MAST4: variants seen among roughly 807,000 people sequenced by gnomAD.
The protein encoded by MAST4 is microtubule-associated serine/threonine-protein kinase 4.
MAST4 carries 89 observed loss-of-function variants against 162.7 expected under a neutral mutation model. That is an observed-to-expected ratio of 0.55 (90% CI 0.46 to 0.65). The LOEUF (loss-of-function observed/expected upper bound fraction) is 0.65, where lower values mean the gene tolerates loss of function less well. MAST4 is among the 30% of genes least tolerant of loss of function. The pLI is 0.00. For missense variants in MAST4, 3,153 were observed against 3,374.0 expected (o/e 0.93, Z 1.62); for synonymous variants, 1,479 against 1,361.1 (o/e 1.09, Z -1.91).
At position 67,165,700 on chromosome 5, in the gene MAST4, C is replaced by T. The variant is rs748572007; in HGVS notation, c.6521C>T (p.Ser2174Leu). The change falls in exon 29 of 29, where the codon TCG becomes TTG. Residue 2174 changes from serine (S) to leucine (L), a missense_variant. Around this residue, in one of 7 missense-constraint regions of MAST4, gnomAD observed 1,644 missense variants for 1,495.0 expected, o/e 1.10. Transcript: ENST00000403625. ...AAGCCCAGCACTGCAGAGCCCAGCT[C>T]GAGCCCCCAGGACCCTCCCAAGCCT... ...GAKPSTAEPS[S>L]SPQDPPKPVA... 6 of 1,579,018 alleles carry T rather than the reference C, an allele frequency of 3.8e-6. No homozygotes were observed. In the South Asian group the frequency reaches 4.6e-5, roughly 12 times the overall value.
At chr5:67,153,386 T>TAATTAA in intron 25 of MAST4, 72 bp from the exon 26 acceptor site, 1 of 1,469,346 alleles carries the variant, frequency 6.8e-7, no homozygotes, top group Non-Finnish European at 9.1e-7. Flanking sequence ...CTCATTATTC[T>TAATTAA]CCCAGAAGAC....
chr5:66,910,741 C>CTTTTTTTTTTTTT lies in MAST4; in HGVS notation c.674+10760_674+10772dup, dbSNP rs1176127841. 3.2e-3 allele frequency among the ~76,000 whole-genome samples: 64 copies of CTTTTTTTTTTTTT among 20,096 alleles called. 3 individuals are homozygous for CTTTTTTTTTTTTT. Among genetic ancestry groups the CTTTTTTTTTTTTT allele is most frequent in the African/African-American group, 5.1e-3 (44 of 8,700 alleles). 13.2% of individuals were successfully genotyped at this position (20,096 alleles called of 152,430 possible). A position where few individuals can be genotyped will look rare whatever the true frequency, so the allele number is the denominator to read the frequency against. On this transcript the variant is annotated intron_variant, in intron 4 of 28. Coordinates refer to ENST00000403625, the MANE Select transcript of MAST4 (RefSeq NM_001164664.2). ...GAATACACATGTGGTTTTTTTTTTT[C>CTTTTTTTTTTTTT]TTTTTTTTTTTTTCTTTTTTTTTTT...
intron 4 of MAST4, among the ~76,000 whole-genome samples, chr5:67,017,924 T>C (rs974671455): frequency 2.6e-5 from 4 of 152,218 alleles, no homozygotes; most frequent in Non-Finnish European, 5.9e-5. Flanking sequence ...CAAAAAATTT[T>C]ACATAGATTG....
At chr5:66,652,360 G>A (rs1244477919) in intron 1 of MAST4, among the ~76,000 whole-genome samples, 1 of 152,098 alleles carries the variant, frequency 6.6e-6, no homozygotes, top group Non-Finnish European at 1.5e-5. Flanking sequence ...AATGTAATAA[G>A]TATTTCATAA....
At chr5:66,762,488 A>G (rs779154134) in intron 2 of MAST4, among the ~76,000 whole-genome samples, 2 of 152,146 alleles carry the variant, frequency 1.3e-5, no homozygotes, top group African/African-American at 2.4e-5. Flanking sequence ...CATGGAAATG[A>G]GTTTGGTACC....
chr5:67,145,294 G>T lies in MAST4; in HGVS notation c.3009G>T (p.Lys1003Asn), dbSNP rs934000304. 8 of 1,613,790 alleles carry T rather than the reference G, an allele frequency of 5.0e-6. No homozygotes were observed. The highest frequency in any genetic ancestry group is 1.7e-4 in the Middle Eastern group (1 of 6,048). The change falls in exon 23 of 29, where the codon AAG (lysine) becomes AAT (asparagine). Residue 1003 changes from lysine (K) to asparagine (N), a missense_variant. Transcript: ENST00000403625. ...GAGACCCCCATGAGGAGCCAGGAAA[G>T]CCAGCCCTTCCTCCTGAAGAGTGTG... ...CPGDPHEEPG[K>N]PALPPEECAQ...
At chr5:66,618,033 T>TGGTG (rs1743818877) in intron 1 of MAST4, among the ~76,000 whole-genome samples, 2 of 143,672 alleles carry the variant, frequency 1.4e-5, no homozygotes, top group South Asian at 2.3e-4. Flanking sequence ...CTGGGAGGAA[T>TGGTG]GGGGGGGGGG....
At chr5:67,004,613 A>G (rs1421342046) in intron 4 of MAST4, 1 of 173,994 alleles carries the variant, frequency 5.7e-6, no homozygotes, top group African/African-American at 2.4e-5. Context: ...GGCGAGTGGT[A>G]TCTGCCAAAC....
intron 4 of MAST4, among the ~76,000 whole-genome samples, chr5:67,014,911 A>G (rs888064967): frequency 6.6e-6 from 1 of 152,232 alleles, no homozygotes; most frequent in South Asian, 2.1e-4. Context: ...TAACCTTACA[A>G]TTAGTCTACC....
At chr5:66,804,250 TC>T (rs1365785018) in intron 3 of MAST4, among the ~76,000 whole-genome samples, 3 of 152,136 alleles carry the variant, frequency 2.0e-5, no homozygotes, top group Non-Finnish European at 4.4e-5. Context: ...GGAATGTATA[TC>T]AGCAACTATT....
chr5:66,973,288 A>G (rs1747686640), intron 4 of MAST4, among the ~76,000 whole-genome samples: 1 of 151,700 alleles, frequency 6.6e-6, no homozygotes, highest in Non-Finnish European at 1.5e-5. Flanking sequence ...TGTCTGTGAA[A>G]GTTTTTTTTT....
At chr5:66,859,025 T>G (rs1759890869) in intron 3 of MAST4, among the ~76,000 whole-genome samples, 1 of 152,140 alleles carries the variant, frequency 6.6e-6, no homozygotes, top group Non-Finnish European at 1.5e-5. Context: ...ATCTCTGAGC[T>G]CTTTTAATCA....
intron 3 of MAST4, among the ~76,000 whole-genome samples, chr5:66,813,303 G>A (rs1427764164): frequency 6.6e-6 from 1 of 152,182 alleles, no homozygotes; most frequent in East Asian, 1.9e-4. Context: ...CTGGGTATAA[G>A]CATGTTTATT....
intron 3 of MAST4, among the ~76,000 whole-genome samples, chr5:66,824,148 C>T (rs75599355): frequency 0.015 from 2,327 of 152,256 alleles, 61 homozygotes; most frequent in African/African-American, 0.052. Flanking sequence ...AAGTAACCAA[C>T]GGAATATTTA....
chr5:66,786,713 G>A (rs1199023881), intron 2 of MAST4, among the ~76,000 whole-genome samples: 1 of 152,088 alleles, frequency 6.6e-6, no homozygotes, highest in Admixed American at 6.5e-5. Flanking sequence ...TCAGCTTTTA[G>A]TGCACATTTC....
At chr5:66,936,767 C>G (rs1480951681) in intron 4 of MAST4, among the ~76,000 whole-genome samples, 4 of 152,110 alleles carry the variant, frequency 2.6e-5, no homozygotes, top group Non-Finnish European at 4.4e-5. Context: ...GTAAATGCAC[C>G]TTAAACAATA....
intron 5 of MAST4, among the ~76,000 whole-genome samples, chr5:67,062,384 C>T (rs1456213402): frequency 1.3e-5 from 2 of 151,678 alleles, no homozygotes; most frequent in African/African-American, 2.4e-5. Flanking sequence ...GGCGACAGAG[C>T]AAGATGGTCC....
At chr5:66,751,189 A>G (rs1753139160) in intron 1 of MAST4, among the ~76,000 whole-genome samples, 1 of 152,080 alleles carries the variant, frequency 6.6e-6, no homozygotes. Context: ...AACCACAAAG[A>G]TGGGGAAAAA....
intron 4 of MAST4, among the ~76,000 whole-genome samples, chr5:67,033,363 T>C (rs1214867987): frequency 1.4e-5 from 2 of 145,940 alleles, no homozygotes; most frequent in African/African-American, 2.6e-5. Context: ...TTTTTTCAGA[T>C]TGTTACAGAT....
Sources: allele counts gnomAD v4.1 joint callset (sites outside exome capture counted in the v4.1 genomes callset), GRCh38; gene constraint gnomAD v4.1.1; regional missense constraint gnomAD v4.1.1; transcripts MANE v1.5; gene names NCBI Gene and HGNC (gene_info 2026-07-23, HGNC 2026-07-21).